Variants in C2CD5 observed in about 807,000 individuals in gnomAD.
C2CD5 encodes the protein C2 calcium dependent domain containing 5.
A neutral mutation model predicts 130.3 loss-of-function variants in C2CD5; 109 were observed. The observed-to-expected ratio is 0.84, with a 90% CI of 0.72 to 0.98. C2CD5 has a LOEUF of 0.98. Ranked by LOEUF, C2CD5 falls within the 50% of genes least tolerant of loss-of-function variation. The pLI is 0.00. For missense variants in C2CD5, 996 were observed against 1,261.8 expected, an observed-to-expected ratio of 0.79 and a Z score of 3.19; for synonymous variants, 454 against 429.2, an observed-to-expected ratio of 1.06 and a Z score of -0.71.
intron 9 of C2CD5, among the ~76,000 whole-genome samples, chr12:22,509,303 A>AT (rs1400862390): frequency 2.0e-5 from 3 of 152,206 alleles, no homozygotes; most frequent in African/African-American, 7.2e-5. Flanking sequence ...ATATTTTCAT[A>AT]TAAGATTTTA....
chr12:22,530,279 T>C (rs953798373), intron 3 of C2CD5, among the ~76,000 whole-genome samples: 28 of 148,868 alleles, frequency 1.9e-4, no homozygotes, highest in Admixed American at 1.3e-3. Context: ...TATACACAAC[T>C]GTGTGTGTAT....
chr12:22,488,484 A>G (rs1270437306), intron 12 of C2CD5, among the ~76,000 whole-genome samples: 2 of 151,670 alleles, frequency 1.3e-5, no homozygotes, highest in Non-Finnish European at 2.9e-5. Context: ...GAACTACTAT[A>G]TAAGAGAATT....
chr12:22,533,085 TGAA>T (rs1180191203), intron 3 of C2CD5, among the ~76,000 whole-genome samples: 10 of 151,736 alleles, frequency 6.6e-5, no homozygotes, highest in African/African-American at 1.2e-4. Context: ...GACATAGCAG[TGAA>T]GAAGAACAAA....
rs533158351 is a variant in C2CD5 at position 22,524,688 on chromosome 12, T to C, written c.446-61A>G. ...AAGGTAAAACTCAATTTTTAAAAAA[T>C]GTACATCTCAATTTTCTGACCTTTA... On this transcript the variant is annotated intron_variant, in intron 5 of 26. Transcript: ENST00000446597. 8.5e-6 allele frequency: 11 copies of C among 1,288,282 alleles called. No individual in the cohort carries two copies. The African/African-American group carries it at 1.3e-4, about 16-fold the overall frequency. The allele number at this position is 1,288,282 out of a possible 1,614,324, so 79.8% of individuals were successfully genotyped here. A position where few individuals can be genotyped will look rare whatever the true frequency, so the allele number is the denominator to read the frequency against.
At chr12:22,488,764 A>G (rs557720483) in intron 12 of C2CD5, among the ~76,000 whole-genome samples, 7 of 152,258 alleles carry the variant, frequency 4.6e-5, no homozygotes, top group African/African-American at 1.7e-4. Flanking sequence ...CCATTTTAAT[A>G]CTGACAAAAG....
rs1192883329 is a variant in C2CD5, at chr12:22,482,574, T to C, written c.1720A>G (p.Met574Val). 1.9e-6 allele frequency: 3 copies of C among 1,613,650 alleles called. No homozygotes were observed. Among genetic ancestry groups the C allele is most frequent in the South Asian group, 1.1e-5 (1 of 91,064 alleles). Residue 574 changes from methionine to valine, a missense_variant, in exon 14 of 27, where the codon ATG (methionine) becomes GTG (valine). By Grantham distance (21) the Met-to-Val change is conservative (BLOSUM62 1). Coordinates refer to ENST00000446597, the MANE Select transcript of C2CD5 (RefSeq NM_001286176.2). ...AAACTTACCGCTAAGCCCATCAACA[T>C]ATTTTCACCCACTGTGATCTGAATT... ...LRIQITVGEN[M>V]LMGLASATGV...
chr12:22,485,894 A>G (rs1407537866), intron 12 of C2CD5, among the ~76,000 whole-genome samples: 1 of 149,516 alleles, frequency 6.7e-6, no homozygotes, highest in Non-Finnish European at 1.5e-5. Flanking sequence ...TCTTCCTTCT[A>G]CTCTCCTACA....
intron 19 of C2CD5, 37 bp downstream of exon 19, chr12:22,471,929 TA>T (rs1469807612): frequency 2.8e-6 from 3 of 1,067,494 alleles, no homozygotes; most frequent in Non-Finnish European, 4.4e-6. Flanking sequence ...TTCATTATTA[TA>T]GACGCATGAA....
intron 7 of C2CD5, among the ~76,000 whole-genome samples, chr12:22,520,420 C>T (rs1239805610): frequency 6.6e-6 from 1 of 152,064 alleles, no homozygotes; most frequent in East Asian, 1.9e-4. Flanking sequence ...ATAGTCCTTC[C>T]TAAGGTCTAC....
chr12:22,472,662 T>C, intron 17 of C2CD5, 82 bp downstream of exon 17: 1 of 850,720 alleles, frequency 1.2e-6, no homozygotes, highest in East Asian at 2.4e-5. Flanking sequence ...TCTTTTAAAG[T>C]AAAATTAGTA....
chr12:22,541,148 C>T (rs893617536), intron 2 of C2CD5, among the ~76,000 whole-genome samples: 1 of 152,126 alleles, frequency 6.6e-6, no homozygotes, highest in Admixed American at 6.5e-5. Context: ...ACAAACCTAA[C>T]ATGCTCAAAT....
chr12:22,503,746 A>C (rs1948110498), intron 10 of C2CD5, among the ~76,000 whole-genome samples: 1 of 152,158 alleles, frequency 6.6e-6, no homozygotes, highest in South Asian at 2.1e-4. Flanking sequence ...CCCTGAGCTC[A>C]TGCGATCTGC....
chr12:22,544,322 T>G lies in C2CD5; in HGVS notation c.-32A>C. 3.7e-6 allele frequency: 2 copies of G among 534,842 alleles called. No individual in the cohort carries two copies. The highest frequency in any genetic ancestry group is 3.2e-6 in the Non-Finnish European group (1 of 309,812). 33.1% of individuals were successfully genotyped at this position (534,842 alleles called of 1,614,324 possible). The stretch of plus-strand genomic sequence containing the variant: ...TCGCGCCACGGGTCGCCACTCACTG[T>G]CGCAGGAGGAAGGGTGCTGTCCCGC... On this transcript the variant is annotated splice_region_variant and 5_prime_UTR_variant, in exon 1 of 27. Coordinates refer to ENST00000446597, the MANE Select transcript of C2CD5 (RefSeq NM_001286176.2).
At chr12:22,508,120 G>A (rs1486964025) in intron 9 of C2CD5, among the ~76,000 whole-genome samples, 1 of 152,104 alleles carries the variant, frequency 6.6e-6, no homozygotes, top group Admixed American at 6.6e-5. Context: ...ACAAAGCACG[G>A]CAACTTGGAA....
chr12:22,530,173 A>G (rs1161887508), intron 3 of C2CD5, among the ~76,000 whole-genome samples: 1 of 143,794 alleles, frequency 7.0e-6, no homozygotes, highest in Non-Finnish European at 1.5e-5. Flanking sequence ...TGTATACATA[A>G]CAACTATATA....
intron 22 of C2CD5, among the ~76,000 whole-genome samples, chr12:22,465,216 G>C (rs968982032): frequency 6.6e-6 from 1 of 151,414 alleles, no homozygotes; most frequent in African/African-American, 2.4e-5. Context: ...CTGAACACGA[G>C]GAAATACTCT....
rs35498344 is a variant in C2CD5, at chr12:22,457,143, G to A, written c.2705C>T (p.Ala902Val). ...GAAATTTCCATCACCCACTGGACTT[G>A]CTTTTTCAACTGTCATGGCTAAAAT... Reference protein sequence around the residue: ...SIKTTMTVEKASPVGDGNFRN... With the variant: ...SIKTTMTVEKVSPVGDGNFRN... Residue 902 changes from alanine to valine, a missense_variant, in exon 25 of 27, where the codon GCA becomes GTA. Ala to Val is a moderately conservative substitution (Grantham distance 64, BLOSUM62 0). Coordinates refer to ENST00000446597, the MANE Select transcript of C2CD5 (RefSeq NM_001286176.2). 2.5e-6 allele frequency: 4 copies of A among 1,601,262 alleles called. No homozygotes were observed. The African/African-American group carries it at 4.0e-5, about 16-fold the overall frequency.
At chr12:22,452,850 T>C (rs928544546) in intron 26 of C2CD5, among the ~76,000 whole-genome samples, 6 of 152,184 alleles carry the variant, frequency 3.9e-5, no homozygotes, top group Non-Finnish European at 8.8e-5. Flanking sequence ...GAAGATCGCT[T>C]GAGCTCAGGA....
At chr12:22,503,342 G>C (rs972752957) in intron 10 of C2CD5, among the ~76,000 whole-genome samples, 1 of 152,014 alleles carries the variant, frequency 6.6e-6, no homozygotes, top group Admixed American at 6.6e-5. Flanking sequence ...TCATCATTAC[G>C]GTAGATGTTA....
Sources: gnomAD v4.1 joint callset for allele counts (sites outside exome capture counted in the v4.1 genomes callset) on GRCh38, gnomAD v4.1.1 for gene constraint, MANE v1.5 for transcripts, NCBI Gene and HGNC (gene_info 2026-07-23, HGNC 2026-07-21) for gene names.